Variants in SIPA1L1 observed in about 807,000 individuals in gnomAD.
SIPA1L1 encodes signal induced proliferation associated 1 like 1, also known as signal-induced proliferation-associated 1-like protein 1.
A neutral mutation model predicts 162.7 loss-of-function variants in SIPA1L1; 26 were observed. That is an observed-to-expected ratio of 0.16 (90% CI 0.12 to 0.22). The LOEUF (loss-of-function observed/expected upper bound fraction) is 0.22. Among genes scored for constraint, SIPA1L1 ranks in the 10% least tolerant of loss-of-function variants. The pLI, the probability that SIPA1L1 is intolerant of heterozygous loss-of-function variation, is 1.00. For synonymous variants in SIPA1L1, 829 were observed against 837.4 expected (o/e 0.99, Z 0.17); for missense variants, 1,874 against 2,241.0 (o/e 0.84, Z 3.31).
intron 4 of SIPA1L1, among the ~76,000 whole-genome samples, chr14:71,533,182 G>C (rs1305912441): frequency 1.3e-5 from 2 of 152,192 alleles, no homozygotes; most frequent in African/African-American, 4.8e-5. Context: ...TAAGTAGTAA[G>C]TTGACAGTGT....
At chr14:71,330,549 T>C in intron 2 of SIPA1L1, 1 of 1,386,218 alleles carries the variant, frequency 7.2e-7, no homozygotes. Flanking sequence ...TGAAGATGCC[T>C]AGCTGGGAGG....
chr14:71,483,425 A>G (rs1026582773), intron 2 of SIPA1L1, among the ~76,000 whole-genome samples: 1 of 152,210 alleles, frequency 6.6e-6, no homozygotes, highest in African/African-American at 2.4e-5. Flanking sequence ...ACAACATTGT[A>G]TCATGCATTC....
At chr14:71,649,239 C>T (rs2042424897) in intron 7 of SIPA1L1, among the ~76,000 whole-genome samples, 1 of 145,644 alleles carries the variant, frequency 6.9e-6, no homozygotes, top group Non-Finnish European at 1.5e-5. Context: ...GTTGCCCAGG[C>T]TGGAGTATGT....
chr14:71,606,231 G>A (rs568763668), intron 5 of SIPA1L1, among the ~76,000 whole-genome samples: 6 of 152,238 alleles, frequency 3.9e-5, no homozygotes, highest in East Asian at 1.9e-4. Context: ...TGCTTCAGCC[G>A]CGGTGATGGC....
At position 71,480,591 on chromosome 14, in the gene SIPA1L1, G is replaced by A. The variant is rs559456532; in HGVS notation, c.-464-32152G>A. 5.3e-5 allele frequency among the ~76,000 whole-genome samples: 8 copies of A among 151,618 alleles called. No homozygotes were observed. The East Asian group carries it at 1.4e-3, about 26-fold the overall frequency. On this transcript the variant is annotated intron_variant, in intron 2 of 23. Coordinates refer to ENST00000381232, the MANE Select transcript of SIPA1L1 (RefSeq NM_001386936.1). ...AGCCTGGCCAACATGGTGAGACCCCGTCTCTACTAAAAATACAAAAATTAG... is the reference window on the plus strand; with the variant it reads ...AGCCTGGCCAACATGGTGAGACCCCATCTCTACTAAAAATACAAAAATTAG...
In SIPA1L1 at chr14:71,733,782, A is replaced by C; in HGVS notation, c.4978A>C (p.Asn1660His). 3 of 1,613,190 alleles carry C rather than the reference A, an allele frequency of 1.9e-6. No individual in the cohort carries two copies. The highest frequency in any genetic ancestry group is 2.5e-6 in the Non-Finnish European group (3 of 1,180,016). ...PDTAADLDWS[N>H]LVDAAKAYEV... ...CACTGCTGCAGACTTGGATTGGTCC[A>C]ACCTGGTAGATGCTGCCAAAGCCTA... is the stretch of plus-strand genomic sequence containing the variant. Residue 1660 changes from asparagine to histidine, a missense_variant, in exon 21 of 24, where the codon AAC (asparagine) becomes CAC (histidine). Around this residue, in one of 5 missense-constraint regions of SIPA1L1, gnomAD observed 936 missense variants for 1,051.9 expected, o/e 0.89. Coordinates refer to ENST00000381232, the MANE Select transcript of SIPA1L1 (RefSeq NM_001386936.1).
At chr14:71,460,635 C>T (rs956414029) in intron 2 of SIPA1L1, among the ~76,000 whole-genome samples, 1 of 152,128 alleles carries the variant, frequency 6.6e-6, no homozygotes, top group Non-Finnish European at 1.5e-5. Context: ...GCGTTCCTCC[C>T]TCTGGCACTA....
chr14:71,587,682 TAAC>T lies in SIPA1L1; in HGVS notation c.-190_-188del. 1.8e-6 allele frequency: 1 copy of T among 560,160 alleles called. No homozygotes were observed. The highest frequency in any genetic ancestry group is 3.0e-5 in the South Asian group (1 of 33,672). The allele number at this position is 560,160 out of a possible 1,614,324, so 34.7% of individuals were successfully genotyped here. ...GAAGCAAAGAAACTGTTGTGGATTA[TAAC>T]GTTTAGAAGTTCCAATTTTTCAGTG... is the stretch of plus-strand genomic sequence containing the variant. On this transcript the variant is annotated 5_prime_UTR_variant, in exon 5 of 24. The change creates a new upstream start codon in the 5' untranslated region. Coordinates refer to ENST00000381232, the MANE Select transcript of SIPA1L1 (RefSeq NM_001386936.1).
intron 4 of SIPA1L1, among the ~76,000 whole-genome samples, chr14:71,544,022 C>T (rs370856408): frequency 2.8e-4 from 42 of 147,460 alleles, no homozygotes; most frequent in African/African-American, 3.0e-4. Flanking sequence ...TATACACATA[C>T]GCACATGTAT....
intron 2 of SIPA1L1, among the ~76,000 whole-genome samples, chr14:71,410,347 G>A (rs1343879186): frequency 1.3e-5 from 2 of 152,106 alleles, no homozygotes; most frequent in Non-Finnish European, 2.9e-5. Flanking sequence ...AAATTTTCAG[G>A]AAGTATAAGC....
At chr14:71,736,725 G>A (rs1196037684) in intron 22 of SIPA1L1, among the ~76,000 whole-genome samples, 1 of 152,206 alleles carries the variant, frequency 6.6e-6, no homozygotes, top group Non-Finnish European at 1.5e-5. Context: ...TCGTTAGGAA[G>A]GAGCCTCCAA....
intron 17 of SIPA1L1, among the ~76,000 whole-genome samples, chr14:71,721,694 G>A (rs1566733778): frequency 6.6e-6 from 1 of 152,210 alleles, no homozygotes; most frequent in Non-Finnish European, 1.5e-5. Context: ...CTAAGTGGAA[G>A]GAGCCTCTCC....
At chr14:71,346,129 A>G (rs2036146101) in intron 2 of SIPA1L1, among the ~76,000 whole-genome samples, 1 of 151,964 alleles carries the variant, frequency 6.6e-6, no homozygotes, top group African/African-American at 2.4e-5. Flanking sequence ...GATGGACTTG[A>G]TCTCTTGACC....
At chr14:71,599,350 A>G (rs959367302) in intron 5 of SIPA1L1, among the ~76,000 whole-genome samples, 1 of 151,298 alleles carries the variant, frequency 6.6e-6, no homozygotes, top group African/African-American at 2.4e-5. Context: ...GGGTTTCTCC[A>G]TGTTGATCAG....
intron 4 of SIPA1L1, among the ~76,000 whole-genome samples, chr14:71,542,675 C>T (rs1567176571): frequency 7.6e-6 from 1 of 130,742 alleles, no homozygotes; most frequent in African/African-American, 2.9e-5. Flanking sequence ...CCCTCCTCCT[C>T]CTCCTCCTTC....
chr14:71,586,525 G>C (rs1004984762), intron 4 of SIPA1L1: 2 of 152,176 alleles, frequency 1.3e-5, no homozygotes, highest in Admixed American at 1.3e-4. Flanking sequence ...AGAATTTAAA[G>C]GCCACCTCTT....
chr14:71,413,782 G>A (rs116166154), intron 2 of SIPA1L1, among the ~76,000 whole-genome samples: 56 of 152,228 alleles, frequency 3.7e-4, no homozygotes, highest in African/African-American at 1.3e-3. Flanking sequence ...CACATAAAGA[G>A]ATTACCAATT....
intron 2 of SIPA1L1, among the ~76,000 whole-genome samples, chr14:71,468,608 C>A (rs917549179): frequency 6.6e-6 from 1 of 152,186 alleles, no homozygotes; most frequent in African/African-American, 2.4e-5. Context: ...CCCACCAGGC[C>A]CCACCTCTTA....
intron 3 of SIPA1L1, among the ~76,000 whole-genome samples, chr14:71,525,842 GTA>G (rs1178141296): frequency 2.6e-5 from 4 of 152,280 alleles, no homozygotes; most frequent in Non-Finnish European, 5.9e-5. Context: ...TTTAAATTCT[GTA>G]TTGCTTACTT....
Sources: gnomAD v4.1 joint callset for allele counts (sites outside exome capture counted in the v4.1 genomes callset) on GRCh38, gnomAD v4.1.1 for gene constraint, gnomAD v4.1.1 regional missense constraint, MANE v1.5 for transcripts, NCBI Gene and HGNC (gene_info 2026-07-23, HGNC 2026-07-21) for gene names.